Variants in ANKRD26 observed in about 807,000 individuals in gnomAD.
ANKRD26 encodes ankyrin repeat domain 26, also known as ankyrin repeat domain-containing protein 26.
Under a neutral mutation model 208.7 loss-of-function variants are expected in ANKRD26, and 141 were observed. That is an observed-to-expected ratio of 0.68 (90% CI 0.59 to 0.78). The LOEUF (loss-of-function observed/expected upper bound fraction) is 0.78. Ranked by LOEUF, ANKRD26 falls within the 30% of genes least tolerant of loss-of-function variation. The pLI is 0.00. For synonymous variants in ANKRD26, 636 were observed against 660.4 expected (o/e 0.96, Z 0.57); for missense variants, 1,889 against 1,938.7 (o/e 0.97, Z 0.48).
chr10:27,022,370 C>T lies in ANKRD26; in HGVS notation c.4215+188G>A, dbSNP rs12251111. ...ATCTGTTTAACAAACACCCGTGACA[C>T]AAGTTTAACTACATAACAAACCTGC... On this transcript the variant is annotated intron_variant, in intron 29 of 33. Transcript: ENST00000376087. Among the ~76,000 whole-genome samples the T allele has an allele frequency of 0.018, 2,781 of 152,080 alleles. 73 individuals are homozygous for T. Among genetic ancestry groups the T allele is most frequent in the African/African-American group, 0.063 (2,601 of 41,464 alleles).
chr10:26,972,882 A>G (rs1012360968), downstream of ANKRD26, among the ~76,000 whole-genome samples: 1 of 151,696 alleles, frequency 6.6e-6, no homozygotes, highest in Non-Finnish European at 1.5e-5. Flanking sequence ...GAACCACCAT[A>G]CCCGGCTGAG....
intron 6 of ANKRD26, among the ~76,000 whole-genome samples, chr10:27,079,395 C>T (rs367753978): frequency 1.3e-4 from 20 of 152,284 alleles, no homozygotes; most frequent in African/African-American, 4.6e-4. Flanking sequence ...ATAAAATATT[C>T]GATAAAGACT....
intron 1 of ANKRD26, among the ~76,000 whole-genome samples, chr10:27,098,898 CTG>C (rs1338259640): frequency 1.3e-5 from 2 of 152,188 alleles, no homozygotes; most frequent in African/African-American, 4.8e-5. Flanking sequence ...AGACCACAGT[CTG>C]TATGTATAAT....
intron 29 of ANKRD26, among the ~76,000 whole-genome samples, chr10:27,018,569 A>T (rs1352750188): frequency 6.6e-6 from 1 of 152,204 alleles, no homozygotes; most frequent in African/African-American, 2.4e-5. Flanking sequence ...TATAGATTCT[A>T]ATGCCATAAG....
chr10:27,052,185 AT>A, intron 16 of ANKRD26: 1 of 975,310 alleles, frequency 1.0e-6, no homozygotes. Flanking sequence ...TTAGGAAATA[AT>A]TAAAATTCAA....
intron 25 of ANKRD26, chr10:27,030,250 C>T (rs1375105358): frequency 2.9e-6 from 1 of 346,960 alleles, no homozygotes; most frequent in Non-Finnish European, 4.1e-6. Flanking sequence ...AGAATACACC[C>T]CTAGTACTTC....
the ANKRD26 span, among the ~76,000 whole-genome samples, chr10:26,956,631 CAA>C: frequency 7.1e-6 from 1 of 140,532 alleles, no homozygotes. Context: ...GCTTGTGTCT[CAA>C]AAAAAAAAAA....
chr10:27,035,547 G>C lies in ANKRD26; in HGVS notation c.2903C>G (p.Thr968Arg). 1 of 1,613,780 alleles carries C rather than the reference G, an allele frequency of 6.2e-7. No individual in the cohort carries two copies. Among genetic ancestry groups the C allele is most frequent in the African/African-American group, 1.3e-5 (1 of 74,992 alleles). ...TCCATTATACTGGGATATTGTTTGT[G>C]TTAATGTTTCCTCATTCTGTTTTAT... The part of the protein sequence containing the change: ...KTIKQNEETL[T>R]QTISQYNGRL... The change falls in exon 24 of 34, where the codon ACA becomes AGA. Residue 968 changes from threonine (T) to arginine (R), a missense_variant. Coordinates refer to ENST00000376087, the MANE Select transcript of ANKRD26 (RefSeq NM_014915.3).
chr10:27,034,061 G>A (rs2053966932), intron 24 of ANKRD26, among the ~76,000 whole-genome samples: 1 of 152,162 alleles, frequency 6.6e-6, no homozygotes, highest in Admixed American at 6.5e-5. Flanking sequence ...ATTGGGCACT[G>A]AAATGAAAAT....
downstream of ANKRD26, among the ~76,000 whole-genome samples, chr10:26,988,708 C>T (rs974227813): frequency 6.6e-6 from 1 of 151,862 alleles, no homozygotes; most frequent in Non-Finnish European, 1.5e-5. Context: ...ATGTGAGTGT[C>T]TAAATATTAT....
chr10:27,099,522 C>G lies in ANKRD26; in HGVS notation c.242+563G>C, dbSNP rs146360934. Among the ~76,000 whole-genome samples the G allele has an allele frequency of 1.3e-3, 196 of 149,834 alleles. 1 individual carries two copies. Among genetic ancestry groups the G allele is most frequent in the African/African-American group, 4.7e-3 (192 of 40,690 alleles). The stretch of plus-strand genomic sequence containing the variant: ...CTAGAACTCCTGGGCTCAAGTGATG[C>G]TCCTGCCTCAGCCTTCCAAGTAGCT... On this transcript the variant is annotated intron_variant, in intron 1 of 33. Coordinates refer to ENST00000376087, the MANE Select transcript of ANKRD26 (RefSeq NM_014915.3).
At chr10:26,958,234 C>A in the ANKRD26 span, among the ~76,000 whole-genome samples, 1 of 151,984 alleles carries the variant, frequency 6.6e-6, no homozygotes, top group Non-Finnish European at 1.5e-5. Context: ...AGGTGCGTGC[C>A]AGCATACCCA....
chr10:26,997,910 A>G (rs555029365), intron 4 of ANKRD26, among the ~76,000 whole-genome samples: 1 of 152,244 alleles, frequency 6.6e-6, no homozygotes, highest in Non-Finnish European at 1.5e-5. Flanking sequence ...CAGCATCCAT[A>G]CTAGCGTCGG....
At chr10:27,095,783 T>G (rs1234295269) in intron 1 of ANKRD26, among the ~76,000 whole-genome samples, 1 of 152,174 alleles carries the variant, frequency 6.6e-6, no homozygotes, top group Non-Finnish European at 1.5e-5. Flanking sequence ...CATAAAGGTT[T>G]TGAAGATGGA....
chr10:27,040,451 C>A (rs2054197487), intron 20 of ANKRD26, among the ~76,000 whole-genome samples: 1 of 152,054 alleles, frequency 6.6e-6, no homozygotes, highest in South Asian at 2.1e-4. Flanking sequence ...GTTCTATGAC[C>A]ACAAAAGAGA....
At chr10:26,959,528 GTAGAGAAAGTAAGCTAA>G in the ANKRD26 span, among the ~76,000 whole-genome samples, 1 of 152,112 alleles carries the variant, frequency 6.6e-6, no homozygotes, top group Non-Finnish European at 1.5e-5. Context: ...ACATCAGCTG[GTAGAGAAAGTAAGCTAA>G]TTGGGCTATA....
chr10:26,969,813 T>TG (rs199847332), downstream of ANKRD26, among the ~76,000 whole-genome samples: 68 of 115,544 alleles, frequency 5.9e-4, no homozygotes, highest in African/African-American at 2.0e-3. Flanking sequence ...TACTTTCTGT[T>TG]TTTTTTTTTT....
chr10:26,958,306 G>A, the ANKRD26 span, among the ~76,000 whole-genome samples: 3 of 151,882 alleles, frequency 2.0e-5, no homozygotes, highest in Non-Finnish European at 2.9e-5. Flanking sequence ...GCCTGGTTTC[G>A]AACTCCTGAC....
intron 4 of ANKRD26, among the ~76,000 whole-genome samples, chr10:26,997,587 G>A (rs1419982174): frequency 6.6e-6 from 1 of 152,170 alleles, no homozygotes; most frequent in Admixed American, 6.5e-5. Context: ...AGACTGAGAG[G>A]TTTGAGAAGT....
Sources: gnomAD v4.1 joint callset for allele counts (sites outside exome capture counted in the v4.1 genomes callset) on GRCh38, gnomAD v4.1.1 for gene constraint, MANE v1.5 for transcripts, NCBI Gene and HGNC (gene_info 2026-07-23, HGNC 2026-07-21) for gene names.